Variants in PLCH2 observed in about 807,000 individuals in gnomAD.
PLCH2 encodes the protein phospholipase C eta 2.
A neutral mutation model predicts 134.7 loss-of-function variants in PLCH2; 98 were observed. The observed-to-expected ratio is 0.73, with a 90% confidence interval of 0.62 to 0.86. The LOEUF is 0.86. Ranked by LOEUF, PLCH2 falls within the 40% of genes least tolerant of loss-of-function variation. The pLI is 0.00. For synonymous variants in PLCH2, 974 were observed against 827.5 expected, an observed-to-expected ratio of 1.18 and a Z score of -3.04; for missense variants, 1,994 against 1,986.6, an observed-to-expected ratio of 1.00 and a Z score of -0.07.
At chr1:2,501,990 G>T in intron 20 of PLCH2, 122 bp from the exon 21 acceptor site, 3 of 907,652 alleles carry the variant, frequency 3.3e-6, no homozygotes, top group Non-Finnish European at 3.1e-6. Context: ...AGGTGGCCCA[G>T]CCCCTCGGAC....
At position 2,483,807 on chromosome 1, in the gene PLCH2, G is replaced by T. The variant is rs796753614; in HGVS notation, c.646-641G>T. 8.9e-3 allele frequency among the ~76,000 whole-genome samples: 317 copies of T among 35,546 alleles called. 3 individuals are homozygous for T. Among genetic ancestry groups the T allele is most frequent in the East Asian group, 0.038 (10 of 262 alleles). 23.3% of individuals were successfully genotyped at this position (35,546 alleles called of 152,430 possible). On this transcript the variant is annotated intron_variant, in intron 4 of 21. Transcript: ENST00000378486. Reference sequence around the variant, plus strand: ...CGTTTGGGGGGGCGCTGACCCCCGTGTGGGGGTGGCGCTGACCCCCGTGTG... The same window carrying T: ...CGTTTGGGGGGGCGCTGACCCCCGTTTGGGGGTGGCGCTGACCCCCGTGTG...
At chr1:2,482,053 A>G (rs1641999147) in intron 4 of PLCH2, among the ~76,000 whole-genome samples, 1 of 152,264 alleles carries the variant, frequency 6.6e-6, no homozygotes, top group Non-Finnish European at 1.5e-5. Context: ...CCTAATTGCC[A>G]GAGTGCGCTG....
At chr1:2,476,768 G>A in intron 1 of PLCH2, 56 bp downstream of exon 1, 1 of 1,515,334 alleles carries the variant, frequency 6.6e-7, no homozygotes, top group South Asian at 1.3e-5. Context: ...CCAGGTGACT[G>A]GTGGGTGGGG....
intron 2 of PLCH2, among the ~76,000 whole-genome samples, chr1:2,442,420 C>A (rs1395150501): frequency 2.0e-5 from 3 of 152,300 alleles, no homozygotes; most frequent in East Asian, 3.9e-4. Context: ...GTGACACGCT[C>A]CCACGCACCC....
chr1:2,442,480 G>A (rs889979884), intron 2 of PLCH2, among the ~76,000 whole-genome samples: 3 of 152,218 alleles, frequency 2.0e-5, no homozygotes, highest in South Asian at 2.1e-4. Flanking sequence ...TGCCCATCTC[G>A]GGCCTCATCT....
At chr1:2,421,391 C>T (rs1023341998), upstream of PLCH2, among the ~76,000 whole-genome samples, 67 of 152,166 alleles carry the variant, frequency 4.4e-4, no homozygotes, top group Non-Finnish European at 3.7e-4. Flanking sequence ...TTGGACACAA[C>T]CATTATTCAA....
rs770798032 is a variant in PLCH2 at position 2,448,163 on chromosome 1, G to A, written c.115+17534G>A. Among the ~76,000 whole-genome samples, 2 of 152,204 alleles carry A rather than the reference G, an allele frequency of 1.3e-5. No homozygotes were observed. Among genetic ancestry groups the A allele is most frequent in the African/African-American group, 2.4e-5 (1 of 41,450 alleles). ...GCCCTCCTGGAGCGCCAGGTGCCCC[G>A]GGTGTCTGGAGCACCACGACATGGA... On this transcript the variant is annotated intron_variant, in intron 2 of 3. Coordinates refer to the PLCH2 transcript ENST00000609981. This position sits in a 1 kb window ranked among gnomAD's most constrained non-coding sequence, Gnocchi z 4.0.
chr1:2,494,971 G>A, intron 12 of PLCH2, 23 bp downstream of exon 12: 1 of 1,539,108 alleles, frequency 6.5e-7, no homozygotes, highest in Non-Finnish European at 8.8e-7. Context: ...TCCCAGGCCA[G>A]GGTCCCGGTC....
At chr1:2,419,192 C>T in the PLCH2 span, among the ~76,000 whole-genome samples, 1 of 152,204 alleles carries the variant, frequency 6.6e-6, no homozygotes, top group East Asian at 1.9e-4. Context: ...GGTCATCTGT[C>T]CCCTCCCAGG....
At chr1:2,443,635 G>A (rs1343335505) in intron 2 of PLCH2, among the ~76,000 whole-genome samples, 3 of 150,138 alleles carry the variant, frequency 2.0e-5, no homozygotes, top group Non-Finnish European at 3.0e-5. Context: ...CGCTCGCCCG[G>A]TTGCGCCCGA....
At chr1:2,429,593 A>C (rs894263717) in intron 1 of PLCH2, among the ~76,000 whole-genome samples, 4 of 152,148 alleles carry the variant, frequency 2.6e-5, no homozygotes, top group African/African-American at 9.7e-5. Flanking sequence ...TCTTGGGAGC[A>C]GTGAGAATTA....
chr1:2,500,629 C>T (rs951562972), intron 20 of PLCH2: 3 of 152,414 alleles, frequency 2.0e-5, no homozygotes, highest in Non-Finnish European at 2.9e-5. Flanking sequence ...CCATTAGCAT[C>T]CATGATTCCT....
In PLCH2 at chr1:2,489,265, G is replaced by A; in HGVS notation, c.1294G>A (p.Ala432Thr). The change falls in exon 9 of 22, where the codon GCC becomes ACC. Residue 432 changes from alanine to threonine, a missense_variant. Coordinates refer to ENST00000378486, the MANE Select transcript of PLCH2 (RefSeq NM_014638.4). ...CAGTGTCATCCAGCAGAAGAAAATG[G>A]CCCAGTATCTGACTGACATCCTTGG... ...HCSVIQQKKM[A>T]QYLTDILGDK... 1 of 1,613,888 alleles carries A rather than the reference G, an allele frequency of 6.2e-7. No homozygotes were observed. The highest frequency in any genetic ancestry group is 8.5e-7 in the Non-Finnish European group (1 of 1,179,864).
At position 2,478,642 on chromosome 1, in the gene PLCH2, T is replaced by C; in HGVS notation, c.271+20T>C. The C allele has an allele frequency of 6.3e-7, 1 of 1,594,410 alleles. No individual in the cohort carries two copies. The highest frequency in any genetic ancestry group is 8.5e-7 in the Non-Finnish European group (1 of 1,171,404). Reference sequence around the variant, plus strand: ...CCAAGAGTGAGTGGGAGCCCTGGGGTGGGGACAAATCAGAGTCCCTGGGGG... The same window carrying C: ...CCAAGAGTGAGTGGGAGCCCTGGGGCGGGGACAAATCAGAGTCCCTGGGGG... On this transcript the variant is annotated intron_variant, in intron 2 of 21. Transcript: ENST00000378486.
chr1:2,500,263 G>T, intron 20 of PLCH2: 1 of 166,422 alleles, frequency 6.0e-6, no homozygotes, highest in Non-Finnish European at 1.3e-5. Context: ...CTTTGAGCTG[G>T]GGCCCAGTGC....
chr1:2,499,713 G>A lies in PLCH2; in HGVS notation c.2654G>A (p.Ser885Asn), dbSNP rs564796660. ...GTGCATGTGGCTGTCAGTGACATCA[G>A]CGGTAAGGTGAGTGTCACCCCCTGC... Reference protein sequence around the residue: ...IFVHVAVSDISGKVKQALGLK... With the variant: ...IFVHVAVSDINGKVKQALGLK... The change falls in exon 20 of 22, where the codon AGC becomes AAC. Residue 885 changes from serine to asparagine, a missense_variant. Ser to Asn is a conservative substitution (Grantham distance 46, BLOSUM62 1). Coordinates refer to ENST00000378486, the MANE Select transcript of PLCH2 (RefSeq NM_014638.4). 7 of 1,583,376 alleles carry A rather than the reference G, an allele frequency of 4.4e-6. No individual in the cohort carries two copies. The highest frequency in any genetic ancestry group is 1.2e-5 in the South Asian group (1 of 86,204).
chr1:2,419,798 T>A, the PLCH2 span, among the ~76,000 whole-genome samples: 1 of 152,062 alleles, frequency 6.6e-6, no homozygotes, highest in Non-Finnish European at 1.5e-5. Flanking sequence ...CTCCACCATA[T>A]TCATCCTTGG....
chr1:2,420,556 G>A, the PLCH2 span, among the ~76,000 whole-genome samples: 2 of 152,210 alleles, frequency 1.3e-5, no homozygotes, highest in Non-Finnish European at 2.9e-5. Flanking sequence ...CCTCAAGTCC[G>A]CCTGCCAGGT....
At chr1:2,449,499 A>AAACCAACC (rs34463698) in intron 2 of PLCH2, among the ~76,000 whole-genome samples, 13 of 150,368 alleles carry the variant, frequency 8.6e-5, no homozygotes, top group East Asian at 8.0e-4. Flanking sequence ...TGTCTCAACA[A>AAACCAACC]AACCAACCAA....
Sources: allele counts gnomAD v4.1 joint callset (sites outside exome capture counted in the v4.1 genomes callset), GRCh38; gene constraint gnomAD v4.1.1; non-coding constraint Gnocchi (gnomAD v3.1); transcripts MANE v1.5; gene names NCBI Gene and HGNC (gene_info 2026-07-23, HGNC 2026-07-21).